The following CCDC148 variants were observed in gnomAD, a reference collection of about 807,000 sequenced individuals.
The protein encoded by CCDC148 is coiled-coil domain containing 148, also known as coiled-coil domain-containing protein 148.
A neutral mutation model predicts 85.7 loss-of-function variants in CCDC148; 89 were observed. The ratio of observed to expected loss-of-function variants is 1.04; its 90% CI spans 0.87 to 1.24. The LOEUF (loss-of-function observed/expected upper bound fraction) is 1.24. Ranked by LOEUF, CCDC148 falls within the 50% of genes most tolerant of loss-of-function variation. The pLI is 0.00. For synonymous variants in CCDC148, 230 were observed against 213.9 expected, an observed-to-expected ratio of 1.08 and a Z score of -0.66; for missense variants, 692 against 671.7, an observed-to-expected ratio of 1.03 and a Z score of -0.33.
intron 9 of CCDC148, among the ~76,000 whole-genome samples, chr2:158,306,479 CATGGAATACT>C (rs1210068959): frequency 6.6e-6 from 1 of 152,026 alleles, no homozygotes; most frequent in Non-Finnish European, 1.5e-5. Flanking sequence ...ACATATACAC[CATGGAATACT>C]ATGCAGCCAT....
intron 11 of CCDC148, among the ~76,000 whole-genome samples, chr2:158,219,985 TG>T (rs1264687847): frequency 6.6e-6 from 1 of 152,224 alleles, no homozygotes; most frequent in Non-Finnish European, 1.5e-5. Flanking sequence ...AATTACTATA[TG>T]TTTTTTGTCT....
At chr2:158,327,887 T>C (rs1218019511) in intron 7 of CCDC148, among the ~76,000 whole-genome samples, 1 of 152,182 alleles carries the variant, frequency 6.6e-6, no homozygotes, top group East Asian at 1.9e-4. Flanking sequence ...AAATATTCTA[T>C]ATTTAGAATT....
At position 158,430,002 on chromosome 2, in the gene CCDC148, G is replaced by A. The variant is rs537446705; in HGVS notation, c.25+26413C>T. 8.6e-4 allele frequency among the ~76,000 whole-genome samples: 131 copies of A among 152,316 alleles called. 1 individual carries two copies. Among genetic ancestry groups the A allele is most frequent in the Non-Finnish European group, 4.4e-4 (30 of 68,032 alleles). On this transcript the variant is annotated intron_variant, in intron 1 of 13. Transcript: ENST00000283233. ...AGAGTTATAAAAAAGAGGGAGCTAT[G>A]CATAAAATCAGTTCATAAATCTGCA...
rs375554012 is a variant in CCDC148, at chr2:158,433,261, A to AATATATATATATATATAT, written c.25+23153_25+23154insATATATATATATATATAT. Among the ~76,000 whole-genome samples the AATATATATATATATATAT allele has an allele frequency of 1.3e-3, 160 of 122,576 alleles. 5 individuals carry two copies. The highest frequency in any genetic ancestry group is 2.6e-3 in the Non-Finnish European group (141 of 55,236). 80.4% of individuals were successfully genotyped at this position (122,576 alleles called of 152,430 possible). A position where few individuals can be genotyped will look rare whatever the true frequency, so the allele number is the denominator to read the frequency against. On this transcript the variant is annotated intron_variant, in intron 1 of 13. Coordinates refer to ENST00000283233, the MANE Select transcript of CCDC148 (RefSeq NM_138803.4). ...GGCAACAGAGTAAGTCCTTGACTCA[A>AATATATATATATATATAT]ATATATATATATATATAAAACAAAA...
At chr2:158,249,703 A>G (rs1040474155) in intron 10 of CCDC148, among the ~76,000 whole-genome samples, 5 of 152,136 alleles carry the variant, frequency 3.3e-5, no homozygotes, top group Non-Finnish European at 7.4e-5. Flanking sequence ...AAATGTGGAA[A>G]AACTGGCTTA....
intron 10 of CCDC148, among the ~76,000 whole-genome samples, chr2:158,248,741 T>G (rs1015024087): frequency 6.6e-6 from 1 of 152,154 alleles, no homozygotes; most frequent in Non-Finnish European, 1.5e-5. Context: ...GATCACATCT[T>G]GCATTCTAAG....
chr2:158,338,419 T>G (rs112390175), intron 7 of CCDC148, among the ~76,000 whole-genome samples: 2 of 152,294 alleles, frequency 1.3e-5, no homozygotes, highest in African/African-American at 4.8e-5. Context: ...CTTCACATCT[T>G]GAAAAGAAAA....
intron 1 of CCDC148, among the ~76,000 whole-genome samples, chr2:158,359,182 G>T (rs1353724780): frequency 6.6e-6 from 1 of 152,062 alleles, no homozygotes; most frequent in South Asian, 2.1e-4. Flanking sequence ...ATAAGTGAGG[G>T]TTACTCTAAG....
intron 9 of CCDC148, among the ~76,000 whole-genome samples, chr2:158,278,789 C>A (rs146444116): frequency 6.6e-6 from 1 of 152,210 alleles, no homozygotes; most frequent in African/African-American, 2.4e-5. Flanking sequence ...TCTCCCAGCA[C>A]GCGGATGGAG....
At chr2:158,406,943 A>G (rs1333038651) in intron 1 of CCDC148, among the ~76,000 whole-genome samples, 29 of 151,744 alleles carry the variant, frequency 1.9e-4, no homozygotes, top group Admixed American at 1.9e-3. Context: ...CATTTCCACA[A>G]GATAATTAAT....
intron 1 of CCDC148, among the ~76,000 whole-genome samples, chr2:158,436,743 A>G (rs886962395): frequency 3.3e-5 from 5 of 152,036 alleles, no homozygotes; most frequent in Non-Finnish European, 5.9e-5. Context: ...AGACTAATAA[A>G]AAGAAAAGAG....
chr2:158,317,378 G>C lies in CCDC148; in HGVS notation c.765-3484C>G, dbSNP rs111373421. Among the ~76,000 whole-genome samples the C allele has an allele frequency of 1.2e-3, 183 of 152,132 alleles. 1 individual carries two copies. The highest frequency in any genetic ancestry group is 4.2e-3 in the African/African-American group (176 of 41,414). On this transcript the variant is annotated intron_variant, in intron 7 of 13. Coordinates refer to ENST00000283233, the MANE Select transcript of CCDC148 (RefSeq NM_138803.4). ...ACTTTGAACACTTCAGGGAATTTCA[G>C]CCTACAAAAGGTGAGGTATTTACCA...
At chr2:158,224,818 AG>A in intron 10 of CCDC148, among the ~76,000 whole-genome samples, 1 of 152,332 alleles carries the variant, frequency 6.6e-6, no homozygotes, top group East Asian at 1.9e-4. Flanking sequence ...AAACATGGAA[AG>A]GAACAACCGG....
chr2:158,421,250 T>C (rs1277214210), intron 1 of CCDC148, among the ~76,000 whole-genome samples: 1 of 152,158 alleles, frequency 6.6e-6, no homozygotes, highest in Admixed American at 6.5e-5. Context: ...AATAGACATC[T>C]ACAGAACTCT....
chr2:158,368,880 T>C (rs959788581), intron 1 of CCDC148, among the ~76,000 whole-genome samples: 2 of 152,106 alleles, frequency 1.3e-5, no homozygotes, highest in Non-Finnish European at 2.9e-5. Context: ...ATCATTTATA[T>C]AAGGAGGCAG....
intron 1 of CCDC148, among the ~76,000 whole-genome samples, chr2:158,433,243 G>A (rs1362971593): frequency 7.9e-6 from 1 of 126,228 alleles, no homozygotes; most frequent in Non-Finnish European, 1.8e-5. Flanking sequence ...CGGGGCAACA[G>A]AGTAAGTCCT....
At chr2:158,371,293 T>G (rs1364691595) in intron 1 of CCDC148, among the ~76,000 whole-genome samples, 5 of 152,060 alleles carry the variant, frequency 3.3e-5, no homozygotes, top group Non-Finnish European at 7.4e-5. Flanking sequence ...TATAGAACTT[T>G]AAAATGTTAA....
At chr2:158,215,574 T>C (rs1167796833) in intron 11 of CCDC148, among the ~76,000 whole-genome samples, 3 of 152,092 alleles carry the variant, frequency 2.0e-5, no homozygotes, top group Non-Finnish European at 4.4e-5. Context: ...TTTAAAGTTC[T>C]AGGGTACATA....
intron 1 of CCDC148, among the ~76,000 whole-genome samples, chr2:158,429,535 GA>G: frequency 6.6e-6 from 1 of 152,236 alleles, no homozygotes; most frequent in African/African-American, 2.4e-5. Context: ...GATATTCTAG[GA>G]ACTAGTGGAA....
Sources: allele counts gnomAD v4.1 joint callset (sites outside exome capture counted in the v4.1 genomes callset), GRCh38; gene constraint gnomAD v4.1.1; transcripts MANE v1.5; gene names NCBI Gene and HGNC (gene_info 2026-07-23, HGNC 2026-07-21).